The following MSRA variants were observed in gnomAD, a reference collection of about 807,000 sequenced individuals.
The protein encoded by MSRA is methionine sulfoxide reductase A.
In MSRA, 54 loss-of-function variants were observed where a neutral mutation model predicts 31.3. The observed-to-expected ratio is 1.73, with a 90% CI of 1.39 to 2.17. The LOEUF (loss-of-function observed/expected upper bound fraction) is 2.17, where lower values mean the gene tolerates loss of function less well. Among genes scored for constraint, MSRA ranks in the 30% most tolerant of loss-of-function variants. The probability of loss-of-function intolerance (pLI) is 0.00; values close to 1 mark genes in which losing one functional copy is unlikely to be tolerated. For synonymous variants in MSRA, 169 were observed against 116.5 expected (o/e 1.45, Z -2.90); for missense variants, 507 against 300.9 (o/e 1.69, Z -5.07).
intron 5 of MSRA, among the ~76,000 whole-genome samples, chr8:10,323,368 G>C (rs1457917633): frequency 6.6e-6 from 1 of 151,554 alleles, no homozygotes; most frequent in African/African-American, 2.4e-5. Flanking sequence ...AGGGTACCAA[G>C]AGTAATACCA....
At chr8:10,255,015 A>C (rs1798103171) in intron 3 of MSRA, among the ~76,000 whole-genome samples, 1 of 152,170 alleles carries the variant, frequency 6.6e-6, no homozygotes, top group South Asian at 2.1e-4. Context: ...TCAGGCAAAA[A>C]TTTTGCACAG....
intron 1 of MSRA, among the ~76,000 whole-genome samples, chr8:10,077,658 C>A (rs1563405718): frequency 6.6e-6 from 1 of 151,934 alleles, no homozygotes; most frequent in African/African-American, 2.4e-5. Flanking sequence ...CTTTTCTGCT[C>A]TTTTTCCTCT....
At chr8:10,285,653 C>A (rs4841309) in intron 3 of MSRA, among the ~76,000 whole-genome samples, 2 of 151,668 alleles carry the variant, frequency 1.3e-5, no homozygotes, top group African/African-American at 2.4e-5. Context: ...CCCTTCCCCC[C>A]ACTCCTTCCC....
Position 10,249,144 on chromosome 8 carries a change from G to A in MSRA, c.331+3921G>A, listed in dbSNP as rs185151974. ...ACTTTTAAGTTGTATCACTAACCTC[G>A]TGTTCTGATCCATACTCTGTAAAAC... is the stretch of plus-strand genomic sequence containing the variant. On this transcript the variant is annotated intron_variant, in intron 3 of 5. Coordinates refer to ENST00000317173, the MANE Select transcript of MSRA (RefSeq NM_012331.5). Among the ~76,000 whole-genome samples, 157 of 152,276 alleles carry A rather than the reference G, an allele frequency of 1.0e-3. 2 individuals are homozygous for A. The highest frequency in any genetic ancestry group is 9.4e-4 in the Non-Finnish European group (64 of 68,006).
chr8:10,393,333 C>T (rs1806883643), intron 5 of MSRA, among the ~76,000 whole-genome samples: 1 of 152,260 alleles, frequency 6.6e-6, no homozygotes, highest in East Asian at 1.9e-4. Context: ...TTTTCCATAA[C>T]AGAGTCTTCA....
chr8:10,061,494 G>A (rs1657665596), intron 1 of MSRA, among the ~76,000 whole-genome samples: 1 of 151,968 alleles, frequency 6.6e-6, no homozygotes, highest in Admixed American at 6.6e-5. Context: ...ATGGCATCTT[G>A]CGTTGCTAAT....
At chr8:10,146,645 G>A (rs540321793) in intron 1 of MSRA, among the ~76,000 whole-genome samples, 8 of 152,236 alleles carry the variant, frequency 5.3e-5, no homozygotes, top group Admixed American at 2.0e-4. Flanking sequence ...AAAAGCCATC[G>A]GATTGTATAC....
At chr8:10,226,193 C>G (rs1014765226) in intron 2 of MSRA, among the ~76,000 whole-genome samples, 1 of 152,190 alleles carries the variant, frequency 6.6e-6, no homozygotes, top group Non-Finnish European at 1.5e-5. Flanking sequence ...GTGATGAAAA[C>G]ACTGAGTATC....
chr8:10,362,231 C>A (rs944232259), intron 5 of MSRA, among the ~76,000 whole-genome samples: 15 of 152,044 alleles, frequency 9.9e-5, no homozygotes, highest in Admixed American at 6.6e-5. Context: ...TAGTGCCTGC[C>A]CCAGTGCAGA....
chr8:10,132,415 TGGCTGCTATAGCAGCATACCGTA>T (rs1455034426), intron 1 of MSRA, among the ~76,000 whole-genome samples: 1 of 152,218 alleles, frequency 6.6e-6, no homozygotes, highest in Non-Finnish European at 1.5e-5. Flanking sequence ...TTAGGCAGTT[TGGCTGCTATAGCAGCATACCGTA>T]GGCTGGGTGG....
At chr8:10,351,091 G>A (rs1255996449) in intron 5 of MSRA, among the ~76,000 whole-genome samples, 2 of 152,270 alleles carry the variant, frequency 1.3e-5, no homozygotes, top group African/African-American at 4.8e-5. Flanking sequence ...GTCAGACGAC[G>A]TCCTGCCAAG....
At chr8:10,344,105 C>A (rs1190095476) in intron 5 of MSRA, among the ~76,000 whole-genome samples, 1 of 152,162 alleles carries the variant, frequency 6.6e-6, no homozygotes, top group Non-Finnish European at 1.5e-5. Context: ...CTCCCTCTTG[C>A]TAAGGAAGTT....
At chr8:10,393,820 C>T (rs1360160255) in intron 5 of MSRA, among the ~76,000 whole-genome samples, 1 of 152,192 alleles carries the variant, frequency 6.6e-6, no homozygotes, top group Non-Finnish European at 1.5e-5. Context: ...GTGACTATCC[C>T]CTGTGCACCA....
At chr8:10,196,795 C>A (rs1008496804) in intron 1 of MSRA, among the ~76,000 whole-genome samples, 2 of 151,912 alleles carry the variant, frequency 1.3e-5, no homozygotes, top group Non-Finnish European at 2.9e-5. Context: ...TGGTCTCGAT[C>A]TCCTGACCTC....
chr8:10,313,262 T>G (rs1801534838), intron 4 of MSRA, among the ~76,000 whole-genome samples: 1 of 152,194 alleles, frequency 6.6e-6, no homozygotes, highest in African/African-American at 2.4e-5. Context: ...AAGGGAAACC[T>G]TTGAAGCAAC....
intron 5 of MSRA, among the ~76,000 whole-genome samples, chr8:10,350,575 C>T (rs1804066237): frequency 6.6e-6 from 1 of 152,242 alleles, no homozygotes; most frequent in African/African-American, 2.4e-5. Context: ...AATTGGAACT[C>T]ACTGGTCAGC....
intron 5 of MSRA, chr8:10,411,258 G>C (rs1248571680): frequency 6.6e-6 from 1 of 152,198 alleles, no homozygotes; most frequent in African/African-American, 2.4e-5. Context: ...CACGCTGACA[G>C]TATCACAGGA....
intron 1 of MSRA, among the ~76,000 whole-genome samples, chr8:10,132,605 G>C (rs1315589833): frequency 6.6e-6 from 1 of 152,180 alleles, no homozygotes; most frequent in East Asian, 1.9e-4. Context: ...CCTTCTTGCT[G>C]AACAGAGAGA....
At chr8:10,161,820 T>C (rs928488267) in intron 1 of MSRA, among the ~76,000 whole-genome samples, 2 of 150,030 alleles carry the variant, frequency 1.3e-5, no homozygotes, top group Non-Finnish European at 2.9e-5. Flanking sequence ...CCTTCGTGAA[T>C]CCCGCCCCGC....
Sources: allele counts gnomAD v4.1 joint callset (sites outside exome capture counted in the v4.1 genomes callset), GRCh38; gene constraint gnomAD v4.1.1; transcripts MANE v1.5; gene names NCBI Gene and HGNC (gene_info 2026-07-23, HGNC 2026-07-21).